The following PLPP4 variants were observed in gnomAD, a reference collection of about 807,000 sequenced individuals.
PLPP4 encodes diacylglycerol pyrophosphate like 2.
A neutral mutation model predicts 32.2 loss-of-function variants in PLPP4; 20 were observed. The ratio of observed to expected loss-of-function variants is 0.62; its 90% CI spans 0.44 to 0.90. The LOEUF (loss-of-function observed/expected upper bound fraction) is 0.90, where lower values mean the gene tolerates loss of function less well. Among genes scored for constraint, PLPP4 ranks in the 40% least tolerant of loss-of-function variants. The probability of loss-of-function intolerance (pLI) is 0.00; values close to 1 mark genes in which losing one functional copy is unlikely to be tolerated. For synonymous variants in PLPP4, 127 were observed against 133.0 expected, an observed-to-expected ratio of 0.95 and a Z score of 0.31; for missense variants, 257 against 353.1, an observed-to-expected ratio of 0.73 and a Z score of 2.18.
intron 5 of PLPP4, among the ~76,000 whole-genome samples, chr10:120,549,708 C>T (rs1002874360): frequency 6.6e-6 from 1 of 151,898 alleles, no homozygotes; most frequent in African/African-American, 2.4e-5. Flanking sequence ...TGAAAATCAG[C>T]CATTGCAAGT....
In PLPP4 at chr10:120,557,156, G is replaced by A. The variant is rs1372370103; in HGVS notation, c.446-17975G>A. Among the ~76,000 whole-genome samples, 6 of 152,320 alleles carry A rather than the reference G, an allele frequency of 3.9e-5. 1 individual carries two copies. Among genetic ancestry groups the A allele is most frequent in the African/African-American group, 9.6e-5 (4 of 41,570 alleles). On this transcript the variant is annotated intron_variant, in intron 5 of 6. Transcript: ENST00000398250. ...TCGTAACAAATGGCCAGTCTCAGGT[G>A]TGTGTTGTAATGAACAGGAAAAATA...
At chr10:120,490,872 G>A (rs752631213) in intron 1 of PLPP4, among the ~76,000 whole-genome samples, 3 of 152,174 alleles carry the variant, frequency 2.0e-5, no homozygotes, top group Admixed American at 6.5e-5. Flanking sequence ...AGGAAAACAC[G>A]CTCTCTGTAT....
At chr10:120,479,026 A>C (rs1444703674) in intron 1 of PLPP4, among the ~76,000 whole-genome samples, 1 of 152,168 alleles carries the variant, frequency 6.6e-6, no homozygotes, top group Non-Finnish European at 1.5e-5. Context: ...GGAGATCGAG[A>C]CCATCCTGGC....
At chr10:120,484,587 G>A (rs1186857671) in intron 1 of PLPP4, among the ~76,000 whole-genome samples, 1 of 152,194 alleles carries the variant, frequency 6.6e-6, no homozygotes, top group Non-Finnish European at 1.5e-5. Flanking sequence ...AGCCCTTATG[G>A]CCTAATTACC....
intron 1 of PLPP4, among the ~76,000 whole-genome samples, chr10:120,479,047 A>G (rs1844069165): frequency 6.6e-6 from 1 of 152,188 alleles, no homozygotes; most frequent in South Asian, 2.1e-4. Context: ...TAACATGGTG[A>G]AACCCCATCT....
intron 4 of PLPP4, 47 bp from the exon 5 acceptor site, chr10:120,520,924 G>A: frequency 6.2e-7 from 1 of 1,610,432 alleles, no homozygotes; most frequent in Non-Finnish European, 8.5e-7. Flanking sequence ...GGGGTCATTT[G>A]TGATGGCAGC....
At chr10:120,577,648 C>A (rs1013295349) in intron 6 of PLPP4, among the ~76,000 whole-genome samples, 1 of 152,170 alleles carries the variant, frequency 6.6e-6, no homozygotes, top group African/African-American at 2.4e-5. Flanking sequence ...TGGTTAGAAC[C>A]ATATTTGGGA....
chr10:120,547,842 G>A (rs535811270), intron 5 of PLPP4, among the ~76,000 whole-genome samples: 1 of 152,230 alleles, frequency 6.6e-6, no homozygotes, highest in Admixed American at 6.5e-5. Context: ...AATAGCTTTT[G>A]TGACTTTGAT....
intron 1 of PLPP4, among the ~76,000 whole-genome samples, chr10:120,487,795 G>A (rs1043982821): frequency 3.9e-5 from 6 of 152,208 alleles, no homozygotes; most frequent in Non-Finnish European, 8.8e-5. Flanking sequence ...CACAGAAAGA[G>A]AGAGAACTGT....
At chr10:120,538,048 C>CTG (rs1564825171) in intron 5 of PLPP4, among the ~76,000 whole-genome samples, 5 of 21,890 alleles carry the variant, frequency 2.3e-4, no homozygotes, top group Middle Eastern at 0.031. Flanking sequence ...CTCTCTCTCT[C>CTG]TCTCTGTGTG....
At position 120,507,594 on chromosome 10, in the gene PLPP4, C is replaced by T. The variant is rs115708839; in HGVS notation, c.165+3668C>T. 4.5e-3 allele frequency among the ~76,000 whole-genome samples: 692 copies of T among 152,308 alleles called. 3 individuals are homozygous for T. Among genetic ancestry groups the T allele is most frequent in the African/African-American group, 0.015 (642 of 41,568 alleles). ...GTCAGTGGCTGAACCAGGATCTGAG[C>T]ACTGGCTGTGAGTGCAAACTCTCAC... On this transcript the variant is annotated intron_variant, in intron 2 of 6. Coordinates refer to ENST00000398250, the MANE Select transcript of PLPP4 (RefSeq NM_001030059.3).
chr10:120,523,216 A>C (rs893656056), intron 5 of PLPP4, among the ~76,000 whole-genome samples: 2 of 152,062 alleles, frequency 1.3e-5, no homozygotes, highest in Non-Finnish European at 2.9e-5. Context: ...GCAGGAAAAC[A>C]GCTTGAACCA....
At chr10:120,549,235 TA>T (rs1353962229) in intron 5 of PLPP4, among the ~76,000 whole-genome samples, 1 of 151,060 alleles carries the variant, frequency 6.6e-6, no homozygotes, top group Non-Finnish European at 1.5e-5. Context: ...CCTAAATACT[TA>T]AAGAAAAGAT....
At chr10:120,534,527 T>C (rs1167824225) in intron 5 of PLPP4, among the ~76,000 whole-genome samples, 1 of 152,130 alleles carries the variant, frequency 6.6e-6, no homozygotes, top group Non-Finnish European at 1.5e-5. Context: ...TTTGCGTATT[T>C]TTTTTCTGCT....
At chr10:120,557,587 C>A (rs1848218684) in intron 5 of PLPP4, among the ~76,000 whole-genome samples, 1 of 152,104 alleles carries the variant, frequency 6.6e-6, no homozygotes, top group Admixed American at 6.6e-5. Flanking sequence ...TTAGCTGAAT[C>A]ACAGTTGTCA....
At chr10:120,504,079 A>G (rs1421441594) in intron 2 of PLPP4, among the ~76,000 whole-genome samples, 153 bp downstream of exon 2, 1 of 152,216 alleles carries the variant, frequency 6.6e-6, no homozygotes, top group Non-Finnish European at 1.5e-5. Context: ...GTTCCATGTC[A>G]TGATAAGAAC....
chr10:120,563,616 A>C (rs975045025), intron 5 of PLPP4, among the ~76,000 whole-genome samples: 1 of 148,930 alleles, frequency 6.7e-6, no homozygotes, highest in Non-Finnish European at 1.5e-5. Context: ...CTGGCTAACA[A>C]GGTGAAACCC....
chr10:120,570,236 A>G (rs991493065), intron 5 of PLPP4, among the ~76,000 whole-genome samples: 1 of 152,024 alleles, frequency 6.6e-6, no homozygotes, highest in Non-Finnish European at 1.5e-5. Context: ...GTGGGCAGGC[A>G]TTGACCAGGC....
intron 1 of PLPP4, among the ~76,000 whole-genome samples, chr10:120,459,109 TAAATTTGA>T (rs932023817): frequency 4.6e-5 from 7 of 152,236 alleles, no homozygotes; most frequent in Non-Finnish European, 7.3e-5. Context: ...GTCTATGCAG[TAAATTTGA>T]AAACTTGGTA....
Sources: allele counts gnomAD v4.1 joint callset (sites outside exome capture counted in the v4.1 genomes callset), GRCh38; gene constraint gnomAD v4.1.1; transcripts MANE v1.5; gene names NCBI Gene and HGNC (gene_info 2026-07-23, HGNC 2026-07-21).